The following STX1B variants were observed in gnomAD, a reference collection of about 807,000 sequenced individuals.
STX1B encodes the protein syntaxin-1B.
In STX1B, 7 loss-of-function variants were observed where a neutral mutation model predicts 39.4. The observed-to-expected ratio is 0.18, with a 90% CI of 0.10 to 0.33. STX1B has a LOEUF of 0.33. Ranked by LOEUF, STX1B falls within the 10% of genes least tolerant of loss-of-function variation. STX1B has a pLI of 1.00. For missense variants in STX1B, 198 were observed against 383.2 expected (o/e 0.52, Z 4.04); for synonymous variants, 136 against 144.1 (o/e 0.94, Z 0.40).
chr16:31,002,761 G>A (rs1400382251), intron 1 of STX1B, among the ~76,000 whole-genome samples: 1 of 152,176 alleles, frequency 6.6e-6, no homozygotes, highest in Non-Finnish European at 1.5e-5. Context: ...CAGTGGAAAT[G>A]TATACAGAGT....
intron 7 of STX1B, chr16:30,996,431 G>A (rs2056592222): frequency 2.3e-6 from 1 of 440,560 alleles, no homozygotes; most frequent in African/African-American, 2.0e-5. Flanking sequence ...CGAAGGGGAT[G>A]TGTGAGTATT....
chr16:31,001,297 T>A lies in STX1B; in HGVS notation c.106-104A>T. 1 of 1,150,904 alleles carries A rather than the reference T, an allele frequency of 8.7e-7. No homozygotes were observed. The highest frequency in any genetic ancestry group is 1.3e-6 in the Non-Finnish European group (1 of 785,434). The allele number at this position is 1,150,904 out of a possible 1,614,324, so 71.3% of individuals were successfully genotyped here. A position where few individuals can be genotyped will look rare whatever the true frequency, so the allele number is the denominator to read the frequency against. ...GGGAATGGACCAGCCCCAGAACGGC[T>A]GATAAAAGGCCAGGGAGGGTGCAGG... On this transcript the variant is annotated intron_variant, in intron 2 of 9. Transcript: ENST00000215095. The surrounding 1 kb of genome is among the most constrained non-coding windows in gnomAD (Gnocchi z 5.5).
At chr16:31,006,463 TGAA>T (rs1347630695) in intron 1 of STX1B, among the ~76,000 whole-genome samples, 2 of 152,110 alleles carry the variant, frequency 1.3e-5, no homozygotes, top group Non-Finnish European at 2.9e-5. Context: ...GATGTGGTGG[TGAA>T]GAAGACAGGC....
intron 9 of STX1B, 44 bp from the exon 10 acceptor site, chr16:30,992,945 T>A (rs2143660930): frequency 1.3e-6 from 2 of 1,533,950 alleles, no homozygotes; most frequent in Admixed American, 3.4e-5. Flanking sequence ...GTGAGAGAGA[T>A]CGACACACGG....
chr16:31,001,741 G>T lies in STX1B; in HGVS notation c.31-138C>A. The T allele has an allele frequency of 1.5e-6, 1 of 645,558 alleles. No homozygotes were observed. The highest frequency in any genetic ancestry group is 2.7e-6 in the Non-Finnish European group (1 of 376,750). The allele number at this position is 645,558 out of a possible 1,614,324, so 40.0% of individuals were successfully genotyped here. The stretch of plus-strand genomic sequence containing the variant: ...AGGCTCAGAGGAGGGGTCCTGGGAG[G>T]GGTCCCATGCAGGGTAGATGGCAAA... On this transcript the variant is annotated intron_variant, in intron 1 of 9. Coordinates refer to ENST00000215095, the MANE Select transcript of STX1B (RefSeq NM_052874.5). The surrounding 1 kb of genome is among the most constrained non-coding windows in gnomAD (Gnocchi z 5.5).
At chr16:30,999,348 T>C (rs183865362) in intron 4 of STX1B, among the ~76,000 whole-genome samples, 2 of 152,320 alleles carry the variant, frequency 1.3e-5, no homozygotes, top group Admixed American at 1.3e-4. Flanking sequence ...AAGGTCAGTG[T>C]TCTCCAGGCC....
At chr16:31,005,982 G>A (rs966959044) in intron 1 of STX1B, among the ~76,000 whole-genome samples, 7 of 152,198 alleles carry the variant, frequency 4.6e-5, no homozygotes, top group African/African-American at 1.4e-4. Flanking sequence ...TACAGAAGCG[G>A]AAGGAGGAGA....
Position 31,001,293 on chromosome 16 carries a change from C to G in STX1B, c.106-100G>C. On this transcript the variant is annotated intron_variant, in intron 2 of 9. Coordinates refer to ENST00000215095, the MANE Select transcript of STX1B (RefSeq NM_052874.5). The surrounding 1 kb of genome is among the most constrained non-coding windows in gnomAD (Gnocchi z 5.5). ...TCAGGGGAATGGACCAGCCCCAGAA[C>G]GGCTGATAAAAGGCCAGGGAGGGTG... The G allele has an allele frequency of 8.2e-7, 1 of 1,224,818 alleles. No homozygotes were observed. Among genetic ancestry groups the G allele is most frequent in the Non-Finnish European group, 1.2e-6 (1 of 850,788 alleles). The allele number at this position is 1,224,818 out of a possible 1,614,324, so 75.9% of individuals were successfully genotyped here.
chr16:31,006,110 T>A (rs2056654006), intron 1 of STX1B, among the ~76,000 whole-genome samples: 1 of 151,692 alleles, frequency 6.6e-6, no homozygotes, highest in Admixed American at 6.6e-5. Flanking sequence ...AGAGTGTGCG[T>A]GTGTGTACGT....
At chr16:31,006,946 A>G (rs1267213390) in intron 1 of STX1B, among the ~76,000 whole-genome samples, 1 of 152,030 alleles carries the variant, frequency 6.6e-6, no homozygotes, top group African/African-American at 2.4e-5. Context: ...CCCCATCTCT[A>G]CAAAAGCAAA....
At chr16:30,995,765 A>T (rs1229896932) in intron 7 of STX1B, among the ~76,000 whole-genome samples, 4 of 152,170 alleles carry the variant, frequency 2.6e-5, no homozygotes, top group Non-Finnish European at 5.9e-5. Context: ...TGCTGGGATT[A>T]CAGGCATGAG....
intron 1 of STX1B, among the ~76,000 whole-genome samples, chr16:31,002,206 G>A (rs563142453): frequency 1.0e-4 from 15 of 146,716 alleles, no homozygotes; most frequent in South Asian, 2.2e-4. Context: ...CCTCCCAGCC[G>A]GCTCTCCCTC....
chr16:31,001,567 C>T lies in STX1B; in HGVS notation c.67G>A (p.Val23Met), dbSNP rs769729036. ...DSDDEEEVVHVDRDHFMDEFF... is the reference protein window; with the variant it reads ...DSDDEEEVVHMDRDHFMDEFF... ...TCATCCATGAAGTGGTCCCGATCCA[C>T]GTGGACCACCTCCTCTTCATCATCA... Residue 23 changes from valine to methionine, a missense_variant, in exon 2 of 10, where the codon GTG becomes ATG. By Grantham distance (21) the Val-to-Met change is conservative (BLOSUM62 1). Coordinates refer to ENST00000215095, the MANE Select transcript of STX1B (RefSeq NM_052874.5). The surrounding 1 kb of genome is among the most constrained non-coding windows in gnomAD (Gnocchi z 5.5). The T allele has an allele frequency of 1.5e-5, 25 of 1,613,260 alleles. No individual in the cohort carries two copies. Among genetic ancestry groups the T allele is most frequent in the East Asian group, 1.1e-4 (5 of 44,890 alleles).
intron 6 of STX1B, 85 bp downstream of exon 6, chr16:30,996,866 G>A (rs2056595301): frequency 6.4e-7 from 1 of 1,572,488 alleles, no homozygotes; most frequent in Non-Finnish European, 8.7e-7. Context: ...CTTAAGCCAG[G>A]GGCCCCCTCC....
intron 8 of STX1B, 38 bp downstream of exon 8, chr16:30,993,309 G>A: frequency 1.2e-6 from 2 of 1,613,648 alleles, no homozygotes; most frequent in Non-Finnish European, 8.5e-7. Context: ...TCAGGCCCAG[G>A]GAGGCTCCCA....
chr16:30,993,973 T>G (rs1414582020), intron 7 of STX1B, among the ~76,000 whole-genome samples: 1 of 117,918 alleles, frequency 8.5e-6, no homozygotes. Flanking sequence ...GCAACAAGAG[T>G]GAAATTCCAT....
At chr16:30,998,312 T>A (rs1034495477) in intron 4 of STX1B, among the ~76,000 whole-genome samples, 9 of 152,236 alleles carry the variant, frequency 5.9e-5, no homozygotes, top group Non-Finnish European at 1.3e-4. Context: ...ACCGGCCCTC[T>A]CAGACCTCAC....
Position 30,996,937 on chromosome 16 carries a change from G to T in STX1B, c.463+14C>A. On this transcript the variant is annotated intron_variant, in intron 6 of 9. Coordinates refer to ENST00000215095, the MANE Select transcript of STX1B (RefSeq NM_052874.5). ...TCAAGGAGTTCGGGGTCCTGGGGTG[G>T]GGGGCACACGCACTGATCTCCAGTT... 1.2e-6 allele frequency: 2 copies of T among 1,607,450 alleles called. No homozygotes were observed. The highest frequency in any genetic ancestry group is 2.2e-5 in the East Asian group (1 of 44,802).
intron 1 of STX1B, among the ~76,000 whole-genome samples, chr16:31,004,725 A>AT (rs1174942860): frequency 6.6e-6 from 1 of 151,632 alleles, no homozygotes; most frequent in African/African-American, 2.4e-5. Flanking sequence ...TTAGAAGACC[A>AT]TTTGGCTCTA....
Sources: gnomAD v4.1 joint callset for allele counts (sites outside exome capture counted in the v4.1 genomes callset) on GRCh38, gnomAD v4.1.1 for gene constraint, Gnocchi (gnomAD v3.1) non-coding constraint, MANE v1.5 for transcripts, NCBI Gene and HGNC (gene_info 2026-07-23, HGNC 2026-07-21) for gene names.